The following SDK1 variants were observed in gnomAD, a reference collection of about 807,000 sequenced individuals.
The protein encoded by SDK1 is protein sidekick-1.
A neutral mutation model predicts 245.5 loss-of-function variants in SDK1; 157 were observed. The observed-to-expected ratio is 0.64, with a 90% CI of 0.56 to 0.73. The LOEUF is 0.73. Among genes scored for constraint, SDK1 ranks in the 30% least tolerant of loss-of-function variants. The pLI is 0.00. For missense variants in SDK1, 3,583 were observed against 3,002.3 expected (o/e 1.19, Z -4.52); for synonymous variants, 1,647 against 1,278.5 (o/e 1.29, Z -6.15).
intron 1 of SDK1, among the ~76,000 whole-genome samples, chr7:3,321,833 T>TTCCTTCCTTCCTTCCTTCC (rs1417856290): frequency 1.3e-4 from 14 of 103,776 alleles, no homozygotes; most frequent in Non-Finnish European, 1.3e-4. Flanking sequence ...TCCTTCCTCC[T>TTCCTTCCTTCCTTCCTTCC]TTTCTCTCTC....
At chr7:3,553,109 T>G (rs1779467691) in intron 1 of SDK1, among the ~76,000 whole-genome samples, 1 of 152,196 alleles carries the variant, frequency 6.6e-6, no homozygotes, top group Non-Finnish European at 1.5e-5. Context: ...TTCTGGTCTT[T>G]CCTATTCATA....
intron 32 of SDK1, among the ~76,000 whole-genome samples, chr7:4,169,251 G>C (rs188580811): frequency 1.3e-4 from 20 of 152,342 alleles, no homozygotes; most frequent in Non-Finnish European, 1.5e-4. Flanking sequence ...AGGAAGCTCC[G>C]TTCTGGCCAG....
chr7:4,044,682 C>T (rs1211328434), intron 17 of SDK1, among the ~76,000 whole-genome samples: 5 of 152,092 alleles, frequency 3.3e-5, no homozygotes, highest in African/African-American at 4.8e-5. Flanking sequence ...TGGGCTCAAG[C>T]GATCCTCCCA....
At chr7:3,603,992 T>G (rs1781334176) in intron 1 of SDK1, among the ~76,000 whole-genome samples, 1 of 152,200 alleles carries the variant, frequency 6.6e-6, no homozygotes, top group Non-Finnish European at 1.5e-5. Context: ...CTTTATTGAT[T>G]TGCGTATGTT....
intron 2 of SDK1, among the ~76,000 whole-genome samples, chr7:3,621,589 T>G (rs776040151): frequency 4.6e-5 from 7 of 152,184 alleles, no homozygotes; most frequent in African/African-American, 7.2e-5. Flanking sequence ...AGTTTCCACA[T>G]GGATGTTTTC....
intron 1 of SDK1, among the ~76,000 whole-genome samples, chr7:3,616,763 G>C (rs957371806): frequency 6.6e-6 from 1 of 152,096 alleles, no homozygotes; most frequent in Non-Finnish European, 1.5e-5. Flanking sequence ...TATATATTCA[G>C]TTTATACACT....
At chr7:4,030,100 G>C (rs62439613) in intron 17 of SDK1, among the ~76,000 whole-genome samples, 1 of 152,178 alleles carries the variant, frequency 6.6e-6, no homozygotes, top group Non-Finnish European at 1.5e-5. Flanking sequence ...CTAGATGCGC[G>C]TCAAGCATCG....
At chr7:4,243,698 T>A (rs1454698999) in intron 43 of SDK1, among the ~76,000 whole-genome samples, 1 of 151,980 alleles carries the variant, frequency 6.6e-6, no homozygotes, top group Admixed American at 6.6e-5. Flanking sequence ...TCCCACCAGG[T>A]CCCTCCCACG....
At chr7:3,605,207 T>C (rs981660194) in intron 1 of SDK1, among the ~76,000 whole-genome samples, 1 of 151,884 alleles carries the variant, frequency 6.6e-6, no homozygotes, top group Non-Finnish European at 1.5e-5. Context: ...TTTTCCACCT[T>C]GTGGTTTTGG....
rs376880705 is a variant in SDK1 at position 3,982,668 on chromosome 7, A to T, written c.1995-4518A>T. Among the ~76,000 whole-genome samples, 242 of 152,086 alleles carry T rather than the reference A, an allele frequency of 1.6e-3. 5 individuals are homozygous for T. The South Asian group carries it at 0.033, about 21-fold the overall frequency. On this transcript the variant is annotated intron_variant, in intron 13 of 44. Transcript: ENST00000404826. Reference sequence around the variant, plus strand: ...ATCCTGGCTAACATGGTGCAACCCCATCTCCACTAAAAATACAAAAAATTA... The same window carrying T: ...ATCCTGGCTAACATGGTGCAACCCCTTCTCCACTAAAAATACAAAAAATTA...
intron 1 of SDK1, among the ~76,000 whole-genome samples, chr7:3,615,418 C>T (rs1180614146): frequency 6.6e-6 from 1 of 151,678 alleles, no homozygotes; most frequent in East Asian, 1.9e-4. Context: ...ATGTCAGTTG[C>T]AGCAGAAGCA....
At chr7:4,163,052 G>A (rs1357405944) in intron 32 of SDK1, among the ~76,000 whole-genome samples, 1 of 152,226 alleles carries the variant, frequency 6.6e-6, no homozygotes, top group East Asian at 1.9e-4. Context: ...TGGCCTGGCA[G>A]CAGACACAAC....
At chr7:3,727,093 G>C (rs1367289274) in intron 4 of SDK1, among the ~76,000 whole-genome samples, 2 of 152,220 alleles carry the variant, frequency 1.3e-5, no homozygotes, top group Non-Finnish European at 2.9e-5. Flanking sequence ...TAAGAAAGCA[G>C]GCTTGCTGTG....
At chr7:3,946,543 T>A (rs1780586659) in intron 5 of SDK1, among the ~76,000 whole-genome samples, 1 of 152,106 alleles carries the variant, frequency 6.6e-6, no homozygotes, top group African/African-American at 2.4e-5. Context: ...TCTCAAACTC[T>A]TGGGCTCAAG....
At chr7:3,691,976 T>TC (rs1171294238) in intron 4 of SDK1, among the ~76,000 whole-genome samples, 5 of 152,024 alleles carry the variant, frequency 3.3e-5, no homozygotes, top group Non-Finnish European at 7.4e-5. Context: ...TTTCAGTCTG[T>TC]CCCCCTTTAT....
chr7:3,864,100 G>GT (rs1583489539), intron 5 of SDK1, among the ~76,000 whole-genome samples: 3 of 150,556 alleles, frequency 2.0e-5, no homozygotes, highest in Non-Finnish European at 4.4e-5. Flanking sequence ...CTTAATTTCT[G>GT]TTTTTTGTTT....
At chr7:3,619,467 T>G (rs957111889) in intron 2 of SDK1, among the ~76,000 whole-genome samples, 5 of 152,222 alleles carry the variant, frequency 3.3e-5, no homozygotes, top group South Asian at 2.1e-4. Context: ...AGTAAGCCCA[T>G]TAGTGAAATT....
rs1159856321 is a variant in SDK1, at chr7:4,074,856, T to TTCTCTCTCTCTCTCTCTCTCTC, written c.3011-2134_3011-2113dup. Among the ~76,000 whole-genome samples, 5 of 72,338 alleles carry TTCTCTCTCTCTCTCTCTCTCTC rather than the reference T, an allele frequency of 6.9e-5. 1 individual carries two copies. Among genetic ancestry groups the TTCTCTCTCTCTCTCTCTCTCTC allele is most frequent in the African/African-American group, 4.8e-4 (5 of 10,514 alleles). 47.5% of individuals were successfully genotyped at this position (72,338 alleles called of 152,430 possible). ...CCAGCCTGGGCAACAGAGCAAGACT[T>TTCTCTCTCTCTCTCTCTCTCTC]TCTCTCTCTCTCTCTCTCTCTCTCT... On this transcript the variant is annotated intron_variant, in intron 20 of 44. Coordinates refer to ENST00000404826, the MANE Select transcript of SDK1 (RefSeq NM_152744.4).
At chr7:4,053,325 T>A (rs1442662689) in intron 19 of SDK1, among the ~76,000 whole-genome samples, 1 of 151,242 alleles carries the variant, frequency 6.6e-6, no homozygotes, top group Non-Finnish European at 1.5e-5. Context: ...GCCTTCCCAC[T>A]TCACCCTTTA....
Sources: allele counts gnomAD v4.1 joint callset (sites outside exome capture counted in the v4.1 genomes callset), GRCh38; gene constraint gnomAD v4.1.1; transcripts MANE v1.5; gene names NCBI Gene and HGNC (gene_info 2026-07-23, HGNC 2026-07-21).